LCLAT1: variants seen among roughly 807,000 people sequenced by gnomAD.
LCLAT1 encodes 1-AGP acyltransferase 8.
LCLAT1 carries 11 observed loss-of-function variants against 30.7 expected under a neutral mutation model. The ratio of observed to expected loss-of-function variants is 0.36; its 90% CI spans 0.23 to 0.59. The LOEUF (loss-of-function observed/expected upper bound fraction) is 0.59, where lower values mean the gene tolerates loss of function less well. Among genes scored for constraint, LCLAT1 ranks in the 20% least tolerant of loss-of-function variants. LCLAT1 has a pLI of 0.77. For missense variants in LCLAT1, 402 were observed against 458.6 expected (o/e 0.88, Z 1.13); for synonymous variants, 155 against 151.3 (o/e 1.02, Z -0.18).
chr2:30,506,428 T>C (rs181569730), intron 1 of LCLAT1, among the ~76,000 whole-genome samples: 9 of 152,224 alleles, frequency 5.9e-5, no homozygotes, highest in African/African-American at 1.4e-4. Context: ...TAAGTAAAGA[T>C]GAGTAAAGTC....
chr2:30,463,235 CT>C (rs1248814235), intron 1 of LCLAT1, among the ~76,000 whole-genome samples: 3 of 151,998 alleles, frequency 2.0e-5, no homozygotes, highest in African/African-American at 7.2e-5. Flanking sequence ...TATTATGCTA[CT>C]TTTATTTATG....
At chr2:30,461,426 TTTTG>T (rs1248772153) in intron 1 of LCLAT1, among the ~76,000 whole-genome samples, 44 of 152,076 alleles carry the variant, frequency 2.9e-4, no homozygotes, top group Non-Finnish European at 8.8e-5. Context: ...GTTGTTGGTG[TTTTG>T]TTTGTTTGTT....
chr2:30,454,619 A>ATTTTT (rs10710753), intron 1 of LCLAT1, among the ~76,000 whole-genome samples: 1 of 143,362 alleles, frequency 7.0e-6, no homozygotes, highest in Non-Finnish European at 1.5e-5. Context: ...CGTCTGGCTA[A>ATTTTT]TTTTTTTTTT....
chr2:30,478,743 A>T (rs1683172291), intron 1 of LCLAT1, among the ~76,000 whole-genome samples: 1 of 152,220 alleles, frequency 6.6e-6, no homozygotes, highest in African/African-American at 2.4e-5. Flanking sequence ...CCAAACATAG[A>T]CACACATAAA....
rs910740163 is a variant in LCLAT1 at position 30,640,982 on chromosome 2, C to T, written c.*363C>T. Reference sequence around the variant, plus strand: ...GATCTGGAACTCGTCAACAACAGCCCGGATCACATGCTGTTACTGGACTGC... The same window carrying T: ...GATCTGGAACTCGTCAACAACAGCCTGGATCACATGCTGTTACTGGACTGC... On this transcript the variant is annotated 3_prime_UTR_variant, in exon 6 of 6. Coordinates refer to ENST00000379509, the MANE Select transcript of LCLAT1 (RefSeq NM_001002257.3). 2 of 229,662 alleles carry T rather than the reference C, an allele frequency of 8.7e-6. No homozygotes were observed. The highest frequency in any genetic ancestry group is 1.7e-5 in the Non-Finnish European group (2 of 117,778). The allele number at this position is 229,662 out of a possible 1,614,324, so 14.2% of individuals were successfully genotyped here.
At chr2:30,533,424 CA>C in intron 3 of LCLAT1, 110 bp downstream of exon 3, 8 of 825,900 alleles carry the variant, frequency 9.7e-6, no homozygotes, top group African/African-American at 1.7e-5. Flanking sequence ...CTCACTGGGC[CA>C]AAAACAATCT....
At position 30,552,501 on chromosome 2, in the gene LCLAT1, C is replaced by T. The variant is rs151222495; in HGVS notation, c.365-9645C>T. Reference sequence around the variant, plus strand: ...CTATCTTGTATTTTCAGCACAGTCACATTTGAAACCTAATGATACAGGCAT... The same window carrying T: ...CTATCTTGTATTTTCAGCACAGTCATATTTGAAACCTAATGATACAGGCAT... On this transcript the variant is annotated intron_variant, in intron 3 of 5. Coordinates refer to ENST00000379509, the MANE Select transcript of LCLAT1 (RefSeq NM_001002257.3). 1,267 of 446,424 alleles carry T rather than the reference C, an allele frequency of 2.8e-3. 13 individuals are homozygous for T. The highest frequency in any genetic ancestry group is 0.023 in the African/African-American group (1,130 of 49,936). 27.7% of individuals were successfully genotyped at this position (446,424 alleles called of 1,614,324 possible).
chr2:30,604,966 C>T (rs62139651), intron 5 of LCLAT1, among the ~76,000 whole-genome samples: 32,733 of 152,186 alleles, frequency 0.22, 3,944 homozygotes, highest in Non-Finnish European at 0.27. Flanking sequence ...CCCCCACACA[C>T]AGGTGGGAGG....
Position 30,640,570 on chromosome 2 carries a change from A to G in LCLAT1, c.1082A>G (p.Tyr361Cys). 1.2e-6 allele frequency: 2 copies of G among 1,612,840 alleles called. No individual in the cohort carries two copies. The highest frequency in any genetic ancestry group is 1.7e-6 in the Non-Finnish European group (2 of 1,179,554). ...CTGGAGATCATAGAACTTGCATGTT[A>G]CCGACTTTTACACAAACAGCCACAT... is the stretch of plus-strand genomic sequence containing the variant. ...GGLEIIELACYRLLHKQPHLN... is the reference protein window; with the variant it reads ...GGLEIIELACCRLLHKQPHLN... Residue 361 changes from tyrosine to cysteine, a missense_variant, in exon 6 of 6, where the codon TAC becomes TGC. Transcript: ENST00000379509.
chr2:30,568,277 T>C (rs1665595783), intron 5 of LCLAT1, 101 bp downstream of exon 5: 2 of 585,406 alleles, frequency 3.4e-6, no homozygotes, highest in Admixed American at 6.3e-5. Context: ...TTTACTACTT[T>C]GTCTCAAGAA....
chr2:30,632,755 G>A (rs1226128821), intron 5 of LCLAT1, among the ~76,000 whole-genome samples: 1 of 152,198 alleles, frequency 6.6e-6, no homozygotes, highest in Admixed American at 6.5e-5. Context: ...GGACTATTGT[G>A]TCCATTTACA....
At chr2:30,505,177 C>G (rs1450434494) in intron 1 of LCLAT1, among the ~76,000 whole-genome samples, 1 of 152,078 alleles carries the variant, frequency 6.6e-6, no homozygotes, top group Admixed American at 6.6e-5. Context: ...GAATATTTCT[C>G]TAGGGTAAAT....
rs1210150399 is a variant in LCLAT1, at chr2:30,447,386, G to A, written c.-5+3G>A. The A allele has an allele frequency of 6.6e-6, 1 of 152,380 alleles. No individual in the cohort carries two copies. Among genetic ancestry groups the A allele is most frequent in the Non-Finnish European group, 1.5e-5 (1 of 68,232 alleles). The allele number at this position is 152,380 out of a possible 1,614,324, so 9.4% of individuals were successfully genotyped here. A position where few individuals can be genotyped will look rare whatever the true frequency, so the allele number is the denominator to read the frequency against. On this transcript the variant is annotated splice_donor_region_variant and intron_variant, in intron 1 of 5. Coordinates refer to ENST00000379509, the MANE Select transcript of LCLAT1 (RefSeq NM_001002257.3). ...GCGGCGTGCCCTGCTTGTCACAGGTGGGAGGCTGGAACTATCAGGTGGGGT... is the reference window on the plus strand; with the variant it reads ...GCGGCGTGCCCTGCTTGTCACAGGTAGGAGGCTGGAACTATCAGGTGGGGT...
intron 1 of LCLAT1, among the ~76,000 whole-genome samples, chr2:30,471,814 CAT>C (rs1453697100): frequency 2.6e-5 from 4 of 152,106 alleles, no homozygotes; most frequent in Non-Finnish European, 5.9e-5. Flanking sequence ...AGGATCATGT[CAT>C]GTGCAGATTC....
chr2:30,463,355 A>G (rs1481407433), intron 1 of LCLAT1, among the ~76,000 whole-genome samples: 1 of 152,158 alleles, frequency 6.6e-6, no homozygotes, highest in Non-Finnish European at 1.5e-5. Context: ...TATAAACGTT[A>G]TCATACATAG....
intron 5 of LCLAT1, among the ~76,000 whole-genome samples, chr2:30,615,699 A>G (rs527401300): frequency 1.8e-4 from 27 of 152,292 alleles, no homozygotes; most frequent in African/African-American, 5.5e-4. Flanking sequence ...GACTTATGTA[A>G]ATGTGTAAAG....
chr2:30,450,125 G>C (rs1056725996), intron 1 of LCLAT1, among the ~76,000 whole-genome samples: 2 of 152,174 alleles, frequency 1.3e-5, no homozygotes, highest in Non-Finnish European at 1.5e-5. Flanking sequence ...GTAGACAGTT[G>C]AGACAAATAA....
At chr2:30,466,596 C>T (rs1997037) in intron 1 of LCLAT1, among the ~76,000 whole-genome samples, 19,399 of 151,978 alleles carry the variant, frequency 0.13, 1,367 homozygotes, top group South Asian at 0.23. Context: ...TTTTGATATG[C>T]GATGTCTTTA....
At chr2:30,553,004 T>C (rs1375813864) in intron 3 of LCLAT1, among the ~76,000 whole-genome samples, 2 of 152,198 alleles carry the variant, frequency 1.3e-5, no homozygotes, top group African/African-American at 4.8e-5. Flanking sequence ...TCTGGTGTCA[T>C]ATTCATAGTG....
Sources: allele counts gnomAD v4.1 joint callset (sites outside exome capture counted in the v4.1 genomes callset), GRCh38; gene constraint gnomAD v4.1.1; transcripts MANE v1.5; gene names NCBI Gene and HGNC (gene_info 2026-07-23, HGNC 2026-07-21).